DYNAP: variants seen among roughly 807,000 people sequenced by gnomAD.
DYNAP encodes dynactin-associated protein.
In DYNAP, 7 loss-of-function variants were observed where a neutral mutation model predicts 8.5. That is an observed-to-expected ratio of 0.82 (90% confidence interval 0.47 to 1.54). The LOEUF (loss-of-function observed/expected upper bound fraction) is 1.54. DYNAP is among the 40% of genes most tolerant of loss of function. The probability of loss-of-function intolerance (pLI) is 0.01; values close to 1 mark genes in which losing one functional copy is unlikely to be tolerated. For missense variants in DYNAP, 256 were observed against 224.3 expected (o/e 1.14, Z -0.90); for synonymous variants, 77 against 77.9 (o/e 0.99, Z 0.06).
chr18:54,589,173 T>C (rs575194388), upstream of DYNAP, among the ~76,000 whole-genome samples: 1 of 152,258 alleles, frequency 6.6e-6, no homozygotes, highest in Non-Finnish European at 1.5e-5. Context: ...AACAGCCAAT[T>C]CACTTCTTTA....
At chr18:54,578,513 C>T in the DYNAP span, among the ~76,000 whole-genome samples, 1 of 152,106 alleles carries the variant, frequency 6.6e-6, no homozygotes, top group Non-Finnish European at 1.5e-5. Context: ...AATCACTGAT[C>T]AAAAGGCAAA....
chr18:54,590,208 T>A (rs1348618326), upstream of DYNAP, among the ~76,000 whole-genome samples: 1 of 152,166 alleles, frequency 6.6e-6, no homozygotes, highest in South Asian at 2.1e-4. Flanking sequence ...CATTCTACTT[T>A]CTGTCTCTAT....
chr18:54,590,537 A>AT (rs568021658), upstream of DYNAP, among the ~76,000 whole-genome samples: 54 of 151,886 alleles, frequency 3.6e-4, no homozygotes, highest in African/African-American at 9.9e-4. Flanking sequence ...GAGAATAGGA[A>AT]TTTTTTTTTA....
At chr18:54,590,194 C>A (rs779536137), upstream of DYNAP, among the ~76,000 whole-genome samples, 8 of 152,128 alleles carry the variant, frequency 5.3e-5, no homozygotes, top group Non-Finnish European at 1.0e-4. Flanking sequence ...CCCCTGGCAA[C>A]CAACATTCTA....
rs1911423930 is a variant in DYNAP at position 54,598,896 on chromosome 18, T to C, written c.*751T>C. On this transcript the variant is annotated 3_prime_UTR_variant, in exon 3 of 3. Coordinates refer to ENST00000648945, the MANE Select transcript of DYNAP (RefSeq NM_173629.3). ...TGAAGTCTGCTTTCTGAGAGATTCC[T>C]CTGCACAATAAAACTTGATCTCCAC... 6.6e-6 allele frequency: 1 copy of C among 152,156 alleles called. No homozygotes were observed. The highest frequency in any genetic ancestry group is 1.5e-5 in the Non-Finnish European group (1 of 68,016). The allele number at this position is 152,156 out of a possible 1,614,324, so 9.4% of individuals were successfully genotyped here. A position where few individuals can be genotyped will look rare whatever the true frequency, so the allele number is the denominator to read the frequency against.
In DYNAP at chr18:54,598,361, T is replaced by C; in HGVS notation, c.*216T>C. ...AATAATCACCACTTCGACCATCTCTTTGACTGAATCAACAACTACATTCCC... is the reference window on the plus strand; with the variant it reads ...AATAATCACCACTTCGACCATCTCTCTGACTGAATCAACAACTACATTCCC... On this transcript the variant is annotated 3_prime_UTR_variant, in exon 3 of 3. Transcript: ENST00000648945. 1.9e-6 allele frequency: 1 copy of C among 535,068 alleles called. No individual in the cohort carries two copies. Among genetic ancestry groups the C allele is most frequent in the Non-Finnish European group, 3.3e-6 (1 of 304,718 alleles). The allele number at this position is 535,068 out of a possible 1,614,324, so 33.1% of individuals were successfully genotyped here. A position where few individuals can be genotyped will look rare whatever the true frequency, so the allele number is the denominator to read the frequency against.
chr18:54,575,805 GCACA>G, the DYNAP span, among the ~76,000 whole-genome samples: 1 of 151,160 alleles, frequency 6.6e-6, no homozygotes, highest in African/African-American at 2.4e-5. Context: ...AACATAACAT[GCACA>G]CACACACACG....
At chr18:54,582,179 A>T in the DYNAP span, among the ~76,000 whole-genome samples, 2 of 152,038 alleles carry the variant, frequency 1.3e-5, no homozygotes, top group Non-Finnish European at 2.9e-5. Flanking sequence ...CCAGCTATTC[A>T]GGAGGCTGAG....
At chr18:54,581,275 TCAGA>T in the DYNAP span, among the ~76,000 whole-genome samples, 1 of 152,252 alleles carries the variant, frequency 6.6e-6, no homozygotes, top group African/African-American at 2.4e-5. Context: ...TAGTTAAATG[TCAGA>T]CATTTACTAT....
At chr18:54,593,869 G>A (rs1362707598) in intron 1 of DYNAP, among the ~76,000 whole-genome samples, 1 of 152,096 alleles carries the variant, frequency 6.6e-6, no homozygotes, top group Non-Finnish European at 1.5e-5. Flanking sequence ...GGGAGGTCGA[G>A]GTTTCAGTGA....
the DYNAP span, among the ~76,000 whole-genome samples, chr18:54,576,202 A>C: frequency 6.6e-6 from 1 of 152,186 alleles, no homozygotes; most frequent in East Asian, 1.9e-4. Flanking sequence ...AAGGTGTCTA[A>C]ATATTTCTAT....
chr18:54,583,194 T>A (rs527954282), upstream of DYNAP, among the ~76,000 whole-genome samples: 8 of 152,294 alleles, frequency 5.3e-5, no homozygotes, highest in East Asian at 1.5e-3. Context: ...AGACTATCTG[T>A]AGGTTTTCTC....
intron 2 of DYNAP, among the ~76,000 whole-genome samples, chr18:54,597,214 T>C (rs912432285): frequency 3.3e-5 from 5 of 151,962 alleles, no homozygotes; most frequent in Admixed American, 6.6e-5. Flanking sequence ...TGAGATGTTG[T>C]TCTCACATTA....
At chr18:54,581,256 A>C in the DYNAP span, among the ~76,000 whole-genome samples, 1 of 152,236 alleles carries the variant, frequency 6.6e-6, no homozygotes, top group Non-Finnish European at 1.5e-5. Flanking sequence ...ATGTAACCTT[A>C]TAGTCACTTA....
At chr18:54,587,545 T>C (rs1196300097), upstream of DYNAP, among the ~76,000 whole-genome samples, 2 of 142,022 alleles carry the variant, frequency 1.4e-5, no homozygotes, top group Admixed American at 1.4e-4. Flanking sequence ...ACATTAATAT[T>C]TTTTGTAATT....
chr18:54,584,898 A>G (rs996852101), upstream of DYNAP, among the ~76,000 whole-genome samples: 1 of 152,182 alleles, frequency 6.6e-6, no homozygotes, highest in Non-Finnish European at 1.5e-5. Flanking sequence ...ATAGTGCAGG[A>G]TGGGGATTCA....
At chr18:54,590,716 T>C (rs1352283946), upstream of DYNAP, among the ~76,000 whole-genome samples, 1 of 152,178 alleles carries the variant, frequency 6.6e-6, no homozygotes, top group African/African-American at 2.4e-5. Flanking sequence ...CAATATTCCA[T>C]CACTCCTTTG....
chr18:54,592,840 A>T (rs936156409), intron 1 of DYNAP, among the ~76,000 whole-genome samples: 1 of 151,958 alleles, frequency 6.6e-6, no homozygotes, highest in Non-Finnish European at 1.5e-5. Flanking sequence ...CCCACCCATC[A>T]CCTTCCTCTC....
chr18:54,587,822 T>A (rs993504796), upstream of DYNAP: 1 of 400,712 alleles, frequency 2.5e-6, no homozygotes, highest in Non-Finnish European at 4.4e-6. Context: ...GAGAAAGAAC[T>A]TTCAAACAGC....
Sources: allele counts gnomAD v4.1 joint callset (sites outside exome capture counted in the v4.1 genomes callset), GRCh38; gene constraint gnomAD v4.1.1; transcripts MANE v1.5; gene names NCBI Gene and HGNC (gene_info 2026-07-23, HGNC 2026-07-21).